The following ADARB1 variants were observed in gnomAD, a reference collection of about 807,000 sequenced individuals.
ADARB1 encodes the protein adenosine deaminase RNA specific B1.
In ADARB1, 10 loss-of-function variants were observed where a neutral mutation model predicts 52.4. The ratio of observed to expected loss-of-function variants is 0.19; its 90% CI spans 0.12 to 0.32. The LOEUF (loss-of-function observed/expected upper bound fraction) is 0.32. Ranked by LOEUF, ADARB1 falls within the 10% of genes least tolerant of loss-of-function variation. The pLI, the probability that ADARB1 is intolerant of heterozygous loss-of-function variation, is 1.00. For missense variants in ADARB1, 643 were observed against 922.3 expected (o/e 0.70, Z 3.92); for synonymous variants, 349 against 371.1 (o/e 0.94, Z 0.68).
At chr21:45,179,703 G>A (rs1399622337) in intron 4 of ADARB1, among the ~76,000 whole-genome samples, 1 of 152,028 alleles carries the variant, frequency 6.6e-6, no homozygotes, top group Non-Finnish European at 1.5e-5. Context: ...GGGCGAGTGA[G>A]CGGAGTCAGA....
rs1218961747 is a variant in ADARB1, at chr21:45,204,365, T to C, written c.1566-190T>C. ...AAACAAACACAGTGTAAAATAACTTTTAAGTAGATTTTTGTCTTTGTGATC... is the reference window on the plus strand; with the variant it reads ...AAACAAACACAGTGTAAAATAACTTCTAAGTAGATTTTTGTCTTTGTGATC... On this transcript the variant is annotated intron_variant, in intron 8 of 10. Transcript: ENST00000348831. The surrounding 1 kb of genome is among the most constrained non-coding windows in gnomAD (Gnocchi z 4.4). 2.0e-5 allele frequency among the ~76,000 whole-genome samples: 3 copies of C among 152,234 alleles called. No individual in the cohort carries two copies. The highest frequency in any genetic ancestry group is 2.9e-5 in the Non-Finnish European group (2 of 68,040).
chr21:45,094,511 G>A (rs2838777), intron 1 of ADARB1, among the ~76,000 whole-genome samples: 1 of 152,124 alleles, frequency 6.6e-6, no homozygotes, highest in South Asian at 2.1e-4. Context: ...CCTCACTCAC[G>A]TGCTGCCAGG....
chr21:45,135,086 T>C (rs2089287262), intron 2 of ADARB1, among the ~76,000 whole-genome samples: 1 of 152,204 alleles, frequency 6.6e-6, no homozygotes, highest in Admixed American at 6.5e-5. Flanking sequence ...AGACCATAAG[T>C]GGTCTGCAAA....
Position 45,142,963 on chromosome 21 carries a change from A to G in ADARB1, c.-48+14390A>G, listed in dbSNP as rs562844900. On this transcript the variant is annotated intron_variant, in intron 2 of 10. Transcript: ENST00000348831. The surrounding 1 kb of genome is among the most constrained non-coding windows in gnomAD (Gnocchi z 4.0). ...GTGCAGCCTCCACCCACAAAGGCCA[A>G]AGCTCCAATGGCATCTGCGATGCTT... Among the ~76,000 whole-genome samples the G allele has an allele frequency of 1.1e-4, 17 of 152,314 alleles. No homozygotes were observed. In the East Asian group the frequency reaches 3.1e-3, roughly 28 times the overall value.
intron 2 of ADARB1, among the ~76,000 whole-genome samples, chr21:45,166,060 TA>T: frequency 6.6e-6 from 1 of 152,324 alleles, no homozygotes; most frequent in African/African-American, 2.4e-5. Context: ...CAATAGAAAC[TA>T]TTCAAGTTCT....
chr21:45,194,266 C>G (rs149143048), intron 8 of ADARB1, among the ~76,000 whole-genome samples: 1 of 152,314 alleles, frequency 6.6e-6, no homozygotes, highest in African/African-American at 2.4e-5. Flanking sequence ...ATATTCATTA[C>G]AATCGAAGAC....
intron 1 of ADARB1, among the ~76,000 whole-genome samples, chr21:45,109,816 T>G (rs1481263619): frequency 6.6e-6 from 1 of 152,212 alleles, no homozygotes; most frequent in Non-Finnish European, 1.5e-5. Context: ...GCAAAAATCA[T>G]GTATTTGCTC....
At chr21:45,102,830 G>A (rs2087081427) in intron 1 of ADARB1, among the ~76,000 whole-genome samples, 1 of 152,074 alleles carries the variant, frequency 6.6e-6, no homozygotes, top group African/African-American at 2.4e-5. Flanking sequence ...CTTCCAGGAG[G>A]TGGAGCACAA....
At chr21:45,151,922 A>G (rs116644001) in intron 2 of ADARB1, among the ~76,000 whole-genome samples, 321 of 152,330 alleles carry the variant, frequency 2.1e-3, no homozygotes, top group African/African-American at 7.4e-3. Flanking sequence ...GCTGTGTGTC[A>G]TTCACCTGGG....
At chr21:45,158,274 T>C (rs1014635190) in intron 2 of ADARB1, among the ~76,000 whole-genome samples, 2 of 152,140 alleles carry the variant, frequency 1.3e-5, no homozygotes, top group African/African-American at 4.8e-5. Context: ...TCCATTGTTC[T>C]CTCAGCCACT....
rs1478854039 is a variant in ADARB1 at position 45,175,872 on chromosome 21, G to A, written c.171G>A (p.Glu57=). 2 of 1,613,470 alleles carry A rather than the reference G, an allele frequency of 1.2e-6. No individual in the cohort carries two copies. Among genetic ancestry groups the A allele is most frequent in the East Asian group, 2.2e-5 (1 of 44,878 alleles). Residue 57 remains glutamate (E), a synonymous_variant, in exon 4 of 11, where the codon GAG becomes GAA. Transcript: ENST00000348831. ...GGPGRKRPLE[E]GSNGHSKYRL... is the part of the protein sequence containing the mutation. ...CCGGCAGAAAGCGGCCCCTGGAGGA[G>A]GGCAGCAATGGCCACTCCAAGTACC...
rs542865339 is a variant in ADARB1 at position 45,122,958 on chromosome 21, G to A, written c.-219-5444G>A. Reference sequence around the variant, plus strand: ...CGTGGCAGGCAGACAGCTGGTTGCAGTGGTTGGTTAGTTGTTTCATATGGT... The same window carrying A: ...CGTGGCAGGCAGACAGCTGGTTGCAATGGTTGGTTAGTTGTTTCATATGGT... On this transcript the variant is annotated intron_variant, in intron 1 of 10. Coordinates refer to ENST00000348831, the MANE Select transcript of ADARB1 (RefSeq NM_001112.4). 2.1e-3 allele frequency among the ~76,000 whole-genome samples: 323 copies of A among 152,294 alleles called. 1 individual carries two copies. Among genetic ancestry groups the A allele is most frequent in the African/African-American group, 7.4e-3 (307 of 41,550 alleles).
chr21:45,123,905 C>T (rs2088375540), intron 1 of ADARB1, among the ~76,000 whole-genome samples: 1 of 152,102 alleles, frequency 6.6e-6, no homozygotes, highest in South Asian at 2.1e-4. Context: ...TTGGTAATAT[C>T]CTATATTTTG....
rs757605616 is a variant in ADARB1, at chr21:45,176,640, G to A, written c.939G>A (p.Glu313=). ...CATCTCGCCAGCCTATTCCCAGTGA[G>A]GGTCTTCAGCTGCATTTACCGCAGG... ...QTPSRQPIPS[E]GLQLHLPQVL... The change falls in exon 4 of 11, where the codon GAG becomes GAA. Residue 313 remains glutamate (E), a synonymous_variant. Transcript: ENST00000348831. The surrounding 1 kb of genome is among the most constrained non-coding windows in gnomAD (Gnocchi z 5.8). The A allele has an allele frequency of 6.2e-7, 1 of 1,611,884 alleles. No individual in the cohort carries two copies. Among genetic ancestry groups the A allele is most frequent in the Non-Finnish European group, 8.5e-7 (1 of 1,178,918 alleles).
rs569748717 is a variant in ADARB1, at chr21:45,133,748, G to T, written c.-48+5175G>T. 322 of 274,152 alleles carry T rather than the reference G, an allele frequency of 1.2e-3. 2 individuals are homozygous for T. Among genetic ancestry groups the T allele is most frequent in the African/African-American group, 7.7e-3 (306 of 39,724 alleles). The allele number at this position is 274,152 out of a possible 1,614,324, so 17.0% of individuals were successfully genotyped here. ...CGACAGTGGTGTGTGCGCCCACCGG[G>T]TGTGTGCCCGACGGTGTGTGCGCCC... is the stretch of plus-strand genomic sequence containing the variant. On this transcript the variant is annotated intron_variant, in intron 2 of 10. Transcript: ENST00000348831.
intron 1 of ADARB1, among the ~76,000 whole-genome samples, chr21:45,113,493 ATATATG>A (rs1169389641): frequency 2.3e-5 from 2 of 87,706 alleles, no homozygotes; most frequent in African/African-American, 7.9e-5. Context: ...GTGTGTGTGT[ATATATG>A]TGTGTGTGTG....
intron 1 of ADARB1, among the ~76,000 whole-genome samples, chr21:45,116,720 T>G (rs1483172391): frequency 7.2e-5 from 11 of 152,156 alleles, no homozygotes; most frequent in Non-Finnish European, 1.5e-4. Context: ...GAAAAGCCCC[T>G]TACAAAGCCG....
chr21:45,168,069 C>T (rs539542459), intron 2 of ADARB1, among the ~76,000 whole-genome samples: 36 of 152,188 alleles, frequency 2.4e-4, no homozygotes, highest in African/African-American at 5.8e-4. Flanking sequence ...AGTTATCTCA[C>T]GGTAGTTCTC....
chr21:45,090,401 G>T (rs2838774), intron 1 of ADARB1, among the ~76,000 whole-genome samples: 12,782 of 152,030 alleles, frequency 0.084, 614 homozygotes, highest in East Asian at 0.15. Context: ...CTACATAGTG[G>T]TATAAGTGCT....
Sources: gnomAD v4.1 joint callset for allele counts (sites outside exome capture counted in the v4.1 genomes callset) on GRCh38, gnomAD v4.1.1 for gene constraint, Gnocchi (gnomAD v3.1) non-coding constraint, MANE v1.5 for transcripts, NCBI Gene and HGNC (gene_info 2026-07-23, HGNC 2026-07-21) for gene names.